Variants in LIMK1 observed in about 807,000 individuals in gnomAD.
LIMK1 encodes LIM domain kinase 1.
A neutral mutation model predicts 77.6 loss-of-function variants in LIMK1; 21 were observed. That is an observed-to-expected ratio of 0.27 (90% CI 0.19 to 0.39). The LOEUF (loss-of-function observed/expected upper bound fraction) is 0.39. LIMK1 is among the 10% of genes least tolerant of loss of function. LIMK1 has a pLI of 1.00. For synonymous variants in LIMK1, 358 were observed against 370.0 expected, an observed-to-expected ratio of 0.97 and a Z score of 0.37; for missense variants, 696 against 901.6, an observed-to-expected ratio of 0.77 and a Z score of 2.92.
intron 13 of LIMK1, among the ~76,000 whole-genome samples, chr7:74,118,279 A>G (rs178410): frequency 0.63 from 95,473 of 150,430 alleles, 31,093 homozygotes; most frequent in East Asian, 0.79. Flanking sequence ...CGGGAGGCTG[A>G]GGCAGGAGAA....
At chr7:74,088,334 G>C (rs1443737367) in intron 2 of LIMK1, among the ~76,000 whole-genome samples, 8 of 152,158 alleles carry the variant, frequency 5.3e-5, no homozygotes, top group Non-Finnish European at 7.3e-5. Context: ...GGCCTTCGGG[G>C]GGCAAGAGGG....
intron 2 of LIMK1, among the ~76,000 whole-genome samples, chr7:74,088,957 A>G (rs1799188622): frequency 6.6e-6 from 1 of 152,082 alleles, no homozygotes; most frequent in South Asian, 2.1e-4. Context: ...AGCTCATAGG[A>G]CCTGACCTGG....
chr7:74,117,271 A>G (rs916103302), intron 13 of LIMK1, among the ~76,000 whole-genome samples: 1 of 151,698 alleles, frequency 6.6e-6, no homozygotes, highest in African/African-American at 2.4e-5. Context: ...TCCTGCCTTG[A>G]CCTTTCAAAG....
At chr7:74,112,587 G>A (rs1334425184) in intron 12 of LIMK1, among the ~76,000 whole-genome samples, 1 of 152,136 alleles carries the variant, frequency 6.6e-6, no homozygotes, top group Admixed American at 6.6e-5. Flanking sequence ...GGCCGAGGTG[G>A]GTGGATCACT....
Position 74,121,182 on chromosome 7 carries a change from A to G in LIMK1, c.1825A>G (p.Met609Val), listed in dbSNP as rs1331252829. 20 of 1,613,510 alleles carry G rather than the reference A, an allele frequency of 1.2e-5. No homozygotes were observed. The East Asian group carries it at 2.9e-4, about 23-fold the overall frequency. The change falls in exon 16 of 16, where the codon ATG becomes GTG. Residue 609 changes from methionine (M) to valine (V), a missense_variant. Around this residue, in one of 3 missense-constraint regions of LIMK1, gnomAD observed 438 missense variants for 602.3 expected, o/e 0.73. Transcript: ENST00000336180. The stretch of plus-strand genomic sequence containing the variant: ...GGAACACTGGCTGGAGACCCTCCGC[A>G]TGCACCTGGCCGGCCACCTGCCACT... ...KLEHWLETLR[M>V]HLAGHLPLGP...
intron 12 of LIMK1, among the ~76,000 whole-genome samples, chr7:74,114,962 T>C (rs1410481324): frequency 6.8e-6 from 1 of 148,032 alleles, no homozygotes; most frequent in Non-Finnish European, 1.5e-5. Context: ...GGTGGCTTAC[T>C]CCTGTAATCC....
intron 13 of LIMK1, among the ~76,000 whole-genome samples, chr7:74,116,395 C>T (rs971487785): frequency 7.2e-5 from 11 of 152,068 alleles, no homozygotes; most frequent in African/African-American, 2.4e-4. Context: ...GCCTGGGTGA[C>T]GAGCGAAACT....
rs1799708643 is a variant in LIMK1, at chr7:74,111,955, T to A, written c.1367T>A (p.Ile456Asn). The change falls in exon 12 of 16, where the codon ATC becomes AAC. Residue 456 changes from isoleucine to asparagine, a missense_variant. Ile to Asn is a moderately radical substitution (Grantham distance 149). Transcript: ENST00000336180. ...TAGGCCTACCTCCACTCCATGAACA[T>A]CATCCACCGAGACCTCAACTCCCAC... Reference protein sequence around the residue: ...SGMAYLHSMNIIHRDLNSHNC... With the variant: ...SGMAYLHSMNNIHRDLNSHNC... 1.3e-6 allele frequency: 2 copies of A among 1,593,556 alleles called. No individual in the cohort carries two copies. Among genetic ancestry groups the A allele is most frequent in the Admixed American group, 3.4e-5 (2 of 58,212 alleles).
At chr7:74,113,330 A>T (rs1302514269) in intron 12 of LIMK1, among the ~76,000 whole-genome samples, 1 of 152,016 alleles carries the variant, frequency 6.6e-6, no homozygotes, top group Non-Finnish European at 1.5e-5. Flanking sequence ...TCTCAAAAAA[A>T]CAAAACAAAA....
chr7:74,112,923 C>T (rs1194487873), intron 12 of LIMK1, among the ~76,000 whole-genome samples: 1 of 152,076 alleles, frequency 6.6e-6, no homozygotes, highest in Non-Finnish European at 1.5e-5. Flanking sequence ...GAGCCCGGTT[C>T]TCCACCAAAA....
chr7:74,105,715 C>G (rs1799554733), intron 5 of LIMK1, among the ~76,000 whole-genome samples, 160 bp from the exon 6 acceptor site: 1 of 152,114 alleles, frequency 6.6e-6, no homozygotes, highest in Admixed American at 6.6e-5. Context: ...AATTCCTCCC[C>G]TGAAACCAGA....
At chr7:74,098,021 A>G (rs1209535993) in intron 4 of LIMK1, among the ~76,000 whole-genome samples, 1 of 152,180 alleles carries the variant, frequency 6.6e-6, no homozygotes, top group African/African-American at 2.4e-5. Context: ...CCCCTAGCAC[A>G]TCAATGTGAT....
At chr7:74,116,945 G>A (rs1160550204) in intron 13 of LIMK1, among the ~76,000 whole-genome samples, 1 of 151,828 alleles carries the variant, frequency 6.6e-6, no homozygotes, top group Non-Finnish European at 1.5e-5. Context: ...GCAGTGGCGT[G>A]ATCTCAGCTC....
At chr7:74,090,898 T>A (rs1197570189) in intron 2 of LIMK1, among the ~76,000 whole-genome samples, 2 of 151,984 alleles carry the variant, frequency 1.3e-5, no homozygotes, top group Non-Finnish European at 2.9e-5. Flanking sequence ...AACAACCCAG[T>A]AAGGGGGTGC....
In LIMK1 at chr7:74,099,041, C is replaced by T; in HGVS notation, c.411C>T (p.Cys137=). 6.2e-7 allele frequency: 1 copy of T among 1,611,294 alleles called. No individual in the cohort carries two copies. The change falls in exon 5 of 16, where the codon TGC becomes TGT. Residue 137 remains cysteine, a synonymous_variant. Transcript: ENST00000336180. Reference sequence around the variant, plus strand: ...CCGGCGGCTCTTGCAGCGGGCACTGCTACTACCAGACTGTGGTGACCCCCG... The same window carrying T: ...CCGGCGGCTCTTGCAGCGGGCACTGTTACTACCAGACTGTGGTGACCCCCG... ...VEHSKLYCGH[C]YYQTVVTPVI... is the part of the protein sequence containing the mutation.
In LIMK1 at chr7:74,106,224, G is replaced by A; in HGVS notation, c.862G>A (p.Ala288Thr). ...YTPSGEAGSS[A>T]RQKPVLRSCS... ...TCCCAGCGGGGAGGCGGGCAGCTCT[G>A]CCCGGCAGAAACCTGTCTTGTAAGT... is the stretch of plus-strand genomic sequence containing the variant. Residue 288 changes from alanine (A) to threonine (T), a missense_variant, in exon 7 of 16, where the codon GCC (alanine) becomes ACC (threonine). This residue lies in a region of LIMK1 where 438 missense variants were observed against 602.3 expected (regional missense o/e 0.73). Transcript: ENST00000336180. 6.2e-7 allele frequency: 1 copy of A among 1,612,220 alleles called. No homozygotes were observed. Among genetic ancestry groups the A allele is most frequent in the East Asian group, 2.2e-5 (1 of 44,874 alleles).
chr7:74,118,441 C>T (rs956336795), intron 13 of LIMK1, among the ~76,000 whole-genome samples: 10 of 149,674 alleles, frequency 6.7e-5, no homozygotes, highest in African/African-American at 2.5e-4. Flanking sequence ...TAACATAGCC[C>T]GCAAAGAAGA....
intron 5 of LIMK1, among the ~76,000 whole-genome samples, chr7:74,103,312 G>C (rs1033487755): frequency 1.2e-4 from 17 of 145,364 alleles, no homozygotes; most frequent in African/African-American, 4.4e-4. Context: ...GCTGGTCTCA[G>C]ACTCCTAGGC....
At position 74,099,173 on chromosome 7, in the gene LIMK1, C is replaced by T; in HGVS notation, c.543C>T (p.Ser181=). The T allele has an allele frequency of 1.9e-6, 3 of 1,612,946 alleles. No individual in the cohort carries two copies. Among genetic ancestry groups the T allele is most frequent in the Non-Finnish European group, 2.5e-6 (3 of 1,180,026 alleles). The part of the protein sequence containing the change: ...SSHGKRGLSV[S]IDPPHGPPGC... ...ATGGCAAGCGTGGACTTTCAGTCTCCATTGACCCCCCGCACGGCCCACCGG... is the reference window on the plus strand; with the variant it reads ...ATGGCAAGCGTGGACTTTCAGTCTCTATTGACCCCCCGCACGGCCCACCGG... Residue 181 remains serine, a synonymous_variant, in exon 5 of 16, where the codon TCC becomes TCT. Transcript: ENST00000336180.
Sources: gnomAD v4.1 joint callset for allele counts (sites outside exome capture counted in the v4.1 genomes callset) on GRCh38, gnomAD v4.1.1 for gene constraint, gnomAD v4.1.1 regional missense constraint, MANE v1.5 for transcripts, NCBI Gene and HGNC (gene_info 2026-07-23, HGNC 2026-07-21) for gene names.